Variants in TRPM5 observed in about 807,000 individuals in gnomAD.
The protein encoded by TRPM5 is transient receptor potential cation channel subfamily M member 5, also known as MLSN1 and TRP-related.
Under a neutral mutation model 124.9 loss-of-function variants are expected in TRPM5, and 121 were observed. That is an observed-to-expected ratio of 0.97 (90% CI 0.84 to 1.13). TRPM5 has a LOEUF of 1.13. Ranked by LOEUF, TRPM5 falls within the 50% of genes most tolerant of loss-of-function variation. The pLI is 0.00. For missense variants in TRPM5, 1,643 were observed against 1,589.1 expected (o/e 1.03, Z -0.58); for synonymous variants, 781 against 700.5 (o/e 1.11, Z -1.81).
upstream of TRPM5, among the ~76,000 whole-genome samples, chr11:2,427,528 C>T (rs1333789691): frequency 6.6e-6 from 1 of 152,244 alleles, no homozygotes; most frequent in African/African-American, 2.4e-5. Context: ...ACCTCACCTG[C>T]TCCACACGGC....
chr11:2,406,770 C>T (rs1251737786), exon 21 of TRPM5: 1 of 1,613,072 alleles, frequency 6.2e-7, no homozygotes, highest in African/African-American at 1.3e-5. Context: ...ACCTTCTGGT[C>T]CAGGGGGTCT....
At chr11:2,429,518 ATGG>A in the TRPM5 span, among the ~76,000 whole-genome samples, 3 of 150,908 alleles carry the variant, frequency 2.0e-5, no homozygotes, top group Non-Finnish European at 4.4e-5. The surrounding 1 kb of genome is among the most constrained non-coding windows in gnomAD (Gnocchi z 8.4). Flanking sequence ...GTGTGGTACG[ATGG>A]TGGTGCTGAT....
chr11:2,421,884 G>A (rs1481200830), intron 2 of TRPM5, among the ~76,000 whole-genome samples: 7 of 152,174 alleles, frequency 4.6e-5, no homozygotes, highest in African/African-American at 9.7e-5. Context: ...GGTCCAGTAC[G>A]TAGGCACTGC....
chr11:2,435,663 C>T, the TRPM5 span, among the ~76,000 whole-genome samples: 1 of 151,978 alleles, frequency 6.6e-6, no homozygotes, highest in African/African-American at 2.4e-5. This position sits in a 1 kb window ranked among gnomAD's most constrained non-coding sequence, Gnocchi z 4.1. Context: ...GTCTGTTCAT[C>T]CATCTGTCCA....
Position 2,422,338 on chromosome 11 carries a change from C to T in TRPM5, c.118-17G>A. 1 of 1,598,502 alleles carries T rather than the reference C, an allele frequency of 6.3e-7. No homozygotes were observed. Among genetic ancestry groups the T allele is most frequent in the African/African-American group, 1.4e-5 (1 of 73,616 alleles). On this transcript the variant is annotated splice_polypyrimidine_tract_variant and intron_variant, in intron 1 of 23. Coordinates refer to ENST00000155858, the Ensembl canonical transcript of TRPM5. ...CCGTACAAACTGCAAGGCAGGTCTG[C>T]AGCTCAGGGCTTTCGGGGCACGGGG...
exon 16 of TRPM5, chr11:2,412,185 G>A (rs1565009011): frequency 6.2e-6 from 10 of 1,613,614 alleles, no homozygotes; most frequent in Non-Finnish European, 8.5e-6. Flanking sequence ...TGTCACACTT[G>A]TTCCAGTTGT....
chr11:2,404,998 T>C, exon 24 of TRPM5: 2 of 1,612,778 alleles, frequency 1.2e-6, no homozygotes, highest in Non-Finnish European at 1.7e-6. Context: ...ACCACCTCTG[T>C]GGTCAGCAGC....
chr11:2,422,274 C>T (rs1845783621), exon 2 of TRPM5: 1 of 1,612,230 alleles, frequency 6.2e-7, no homozygotes, highest in Non-Finnish European at 8.5e-7. Context: ...CAGCAAGCAG[C>T]AGGTCAAAGA....
chr11:2,418,503 A>AG (rs761535280), intron 5 of TRPM5, 24 bp downstream of exon 10: 1 of 1,604,154 alleles, frequency 6.2e-7, no homozygotes, highest in South Asian at 1.1e-5. Flanking sequence ...TCGGCCAGCC[A>AG]GGGGGCCTCA....
the TRPM5 span, among the ~76,000 whole-genome samples, chr11:2,440,975 T>G: frequency 6.6e-6 from 1 of 152,206 alleles, no homozygotes; most frequent in South Asian, 2.1e-4. The surrounding 1 kb of genome is among the most constrained non-coding windows in gnomAD (Gnocchi z 5.2). Flanking sequence ...CTGACCCTGC[T>G]GGAGGAACAT....
chr11:2,439,518 G>A, the TRPM5 span, among the ~76,000 whole-genome samples: 1 of 152,188 alleles, frequency 6.6e-6, no homozygotes, highest in Non-Finnish European at 1.5e-5. Context: ...GCTCAAAGGA[G>A]ATGAACAGAT....
Position 2,421,626 on chromosome 11 carries a change from C to G in TRPM5, c.299-428G>C, listed in dbSNP as rs190966657. 4.5e-3 allele frequency among the ~76,000 whole-genome samples: 689 copies of G among 152,346 alleles called. 4 individuals are homozygous for G. Among genetic ancestry groups the G allele is most frequent in the African/African-American group, 0.016 (662 of 41,582 alleles). ...TGCCACAGTCATTTAGTGAGGGATC[C>G]TGAAACCTCAAGTCCTTTTCTCCTG... is the stretch of plus-strand genomic sequence containing the variant. On this transcript the variant is annotated intron_variant, in intron 2 of 23. Coordinates refer to ENST00000155858, the Ensembl canonical transcript of TRPM5.
At chr11:2,410,281 T>C (rs1055166416) in intron 18 of TRPM5, among the ~76,000 whole-genome samples, 2 of 152,144 alleles carry the variant, frequency 1.3e-5, no homozygotes, top group African/African-American at 2.4e-5. Context: ...GAGGCCTGTG[T>C]TTGCTCCGGT....
the TRPM5 span, among the ~76,000 whole-genome samples, chr11:2,437,508 G>A: frequency 6.6e-6 from 1 of 152,186 alleles, no homozygotes; most frequent in Non-Finnish European, 1.5e-5. The surrounding 1 kb of genome is among the most constrained non-coding windows in gnomAD (Gnocchi z 5.6). Context: ...CAATGCCGGT[G>A]CTGACTGTGG....
chr11:2,409,101 CT>C (rs148555787), intron 18 of TRPM5, among the ~76,000 whole-genome samples: 16,862 of 152,134 alleles, frequency 0.11, 1,248 homozygotes, highest in Non-Finnish European at 0.17. Flanking sequence ...GAATTCCTGC[CT>C]TGTTTCTCCC....
At chr11:2,411,282 C>A (rs1034362534) in intron 18 of TRPM5, 70 bp downstream of exon 23, 7 of 1,459,310 alleles carry the variant, frequency 4.8e-6, no homozygotes, top group Non-Finnish European at 6.4e-6. Flanking sequence ...TGGAGAGCCT[C>A]ATGCCCAGGG....
At chr11:2,436,090 C>T in the TRPM5 span, among the ~76,000 whole-genome samples, 1 of 152,260 alleles carries the variant, frequency 6.6e-6, no homozygotes, top group East Asian at 1.9e-4. Flanking sequence ...CACCGTAACC[C>T]AGCAAGGCTG....
At position 2,421,216 on chromosome 11, in the gene TRPM5, G is replaced by A; in HGVS notation, c.299-18C>T. On this transcript the variant is annotated intron_variant, in intron 2 of 23. Transcript: ENST00000155858. The stretch of plus-strand genomic sequence containing the variant: ...CCAGGCTCCTGTGGGGATGGAAGAG[G>A]GCCTCGTTGTGCCGCACGCCCCAGG... 1 of 1,529,766 alleles carries A rather than the reference G, an allele frequency of 6.5e-7. No homozygotes were observed. The highest frequency in any genetic ancestry group is 8.8e-7 in the Non-Finnish European group (1 of 1,142,170). The allele number at this position is 1,529,766 out of a possible 1,614,324, so 94.8% of individuals were successfully genotyped here.
the TRPM5 span, among the ~76,000 whole-genome samples, chr11:2,435,581 G>GTCCA: frequency 0.11 from 16,264 of 150,050 alleles, 1,009 homozygotes; most frequent in South Asian, 0.27. The surrounding 1 kb of genome is among the most constrained non-coding windows in gnomAD (Gnocchi z 4.1). Flanking sequence ...CCATCTGTCT[G>GTCCA]TCCATCCATC....
Sources: allele counts gnomAD v4.1 joint callset (sites outside exome capture counted in the v4.1 genomes callset), GRCh38; gene constraint gnomAD v4.1.1; non-coding constraint Gnocchi (gnomAD v3.1); transcripts MANE v1.5; gene names NCBI Gene and HGNC (gene_info 2026-07-23, HGNC 2026-07-21).